Variants in SYT16 observed in about 807,000 individuals in gnomAD.
SYT16 encodes synaptotagmin-16.
Under a neutral mutation model 61.4 loss-of-function variants are expected in SYT16, and 42 were observed. The ratio of observed to expected loss-of-function variants is 0.68; its 90% confidence interval spans 0.53 to 0.89. The LOEUF (loss-of-function observed/expected upper bound fraction) is 0.89, where lower values mean the gene tolerates loss of function less well. Ranked by LOEUF, SYT16 falls within the 40% of genes least tolerant of loss-of-function variation. SYT16 has a pLI of 0.00. For synonymous variants in SYT16, 314 were observed against 302.3 expected (o/e 1.04, Z -0.40); for missense variants, 804 against 807.3 (o/e 1.00, Z 0.05).
chr14:62,072,898 TTTGG>T (rs1346112721), intron 4 of SYT16, among the ~76,000 whole-genome samples: 3 of 152,158 alleles, frequency 2.0e-5, no homozygotes, highest in Non-Finnish European at 4.4e-5. Context: ...TTAAAATAAA[TTTGG>T]TTGATGTGAC....
chr14:62,099,015 A>C (rs2057350416), intron 7 of SYT16, among the ~76,000 whole-genome samples: 1 of 152,110 alleles, frequency 6.6e-6, no homozygotes, highest in South Asian at 2.1e-4. Context: ...ATTGGGTTGG[A>C]GGAGGGGAGG....
At chr14:61,979,622 G>A (rs138589390) in intron 2 of SYT16, among the ~76,000 whole-genome samples, 350 of 152,314 alleles carry the variant, frequency 2.3e-3, no homozygotes, top group African/African-American at 7.1e-3. Flanking sequence ...GGTGGCTCAT[G>A]CCTGTAATCC....
At chr14:61,968,356 G>A (rs1008080702) in intron 1 of SYT16, among the ~76,000 whole-genome samples, 1 of 152,174 alleles carries the variant, frequency 6.6e-6, no homozygotes, top group African/African-American at 2.4e-5. Context: ...GCATGTGGTG[G>A]TGAGGAGGGA....
intron 5 of SYT16, among the ~76,000 whole-genome samples, 180 bp from the exon 6 acceptor site, chr14:62,080,654 G>A (rs773138161): frequency 9.9e-5 from 15 of 152,156 alleles, no homozygotes; most frequent in Non-Finnish European, 1.8e-4. Flanking sequence ...GCACTTTGCC[G>A]TCAAAGAATT....
chr14:62,040,726 T>A (rs2054694856), intron 3 of SYT16, among the ~76,000 whole-genome samples: 1 of 152,162 alleles, frequency 6.6e-6, no homozygotes, highest in African/African-American at 2.4e-5. Flanking sequence ...CCTCTACTTT[T>A]AAAAAATATA....
intron 1 of SYT16, among the ~76,000 whole-genome samples, chr14:61,863,061 T>C (rs1314560132): frequency 6.6e-6 from 1 of 152,252 alleles, no homozygotes; most frequent in Non-Finnish European, 1.5e-5. Context: ...TTGGCAATTA[T>C]GAGTAAAGCT....
At chr14:61,913,256 A>G (rs933846798) in intron 1 of SYT16, among the ~76,000 whole-genome samples, 1 of 152,186 alleles carries the variant, frequency 6.6e-6, no homozygotes, top group Non-Finnish European at 1.5e-5. Flanking sequence ...CCAGAGCTGT[A>G]GTGCCCAGAA....
chr14:61,873,922 A>G (rs372230275), intron 1 of SYT16, among the ~76,000 whole-genome samples: 1 of 152,204 alleles, frequency 6.6e-6, no homozygotes, highest in Non-Finnish European at 1.5e-5. Context: ...AATGTTGGAT[A>G]TGTTTAGTGA....
intron 7 of SYT16, among the ~76,000 whole-genome samples, chr14:62,098,502 C>T (rs574319385): frequency 7.9e-5 from 12 of 152,242 alleles, no homozygotes; most frequent in African/African-American, 2.6e-4. Context: ...GCTTTCTTTC[C>T]TTTCTATATT....
chr14:62,085,221 A>G (rs1257749034), intron 7 of SYT16, among the ~76,000 whole-genome samples: 1 of 152,192 alleles, frequency 6.6e-6, no homozygotes, highest in Non-Finnish European at 1.5e-5. Flanking sequence ...CCTTTTTATG[A>G]TCTTGTTTTG....
intron 1 of SYT16, among the ~76,000 whole-genome samples, chr14:61,888,266 C>T (rs773459193): frequency 2.6e-5 from 4 of 151,822 alleles, no homozygotes; most frequent in Non-Finnish European, 4.4e-5. Flanking sequence ...TACAGGTGCA[C>T]GCCACCATGC....
chr14:61,991,536 T>G (rs2052550392), intron 2 of SYT16, among the ~76,000 whole-genome samples: 1 of 152,218 alleles, frequency 6.6e-6, no homozygotes, highest in African/African-American at 2.4e-5. Context: ...GTGCTGGGCC[T>G]CTTTGGCTTT....
intron 1 of SYT16, among the ~76,000 whole-genome samples, chr14:61,813,687 G>A (rs1422690099): frequency 6.6e-6 from 1 of 152,040 alleles, no homozygotes; most frequent in East Asian, 1.9e-4. Flanking sequence ...GATCACTTGA[G>A]CCCAGGAGTG....
chr14:62,044,378 T>C (rs2054875383), intron 3 of SYT16, among the ~76,000 whole-genome samples: 2 of 152,108 alleles, frequency 1.3e-5, no homozygotes, highest in Admixed American at 1.3e-4. Flanking sequence ...TGGTTTGCTG[T>C]ACATATCAAC....
At chr14:62,050,842 C>G (rs951171661) in intron 3 of SYT16, among the ~76,000 whole-genome samples, 1 of 152,080 alleles carries the variant, frequency 6.6e-6, no homozygotes, top group Non-Finnish European at 1.5e-5. Context: ...AGTTTTGTCT[C>G]GGAGGAGTAC....
chr14:61,946,289 CAG>C (rs1254661966), intron 1 of SYT16, among the ~76,000 whole-genome samples: 1 of 152,080 alleles, frequency 6.6e-6, no homozygotes, highest in African/African-American at 2.4e-5. Context: ...AACACAGAAA[CAG>C]AAAGTCAAAT....
intron 1 of SYT16, among the ~76,000 whole-genome samples, chr14:61,883,536 C>T (rs2047778303): frequency 6.6e-6 from 1 of 152,218 alleles, no homozygotes; most frequent in Non-Finnish European, 1.5e-5. Flanking sequence ...GTCCATATCA[C>T]TATCAGCATT....
At chr14:62,034,128 A>T (rs1047196671) in intron 3 of SYT16, among the ~76,000 whole-genome samples, 1 of 152,210 alleles carries the variant, frequency 6.6e-6, no homozygotes, top group Non-Finnish European at 1.5e-5. Flanking sequence ...TATCAGAGCA[A>T]AGCAGATTGA....
intron 4 of SYT16, among the ~76,000 whole-genome samples, 179 bp downstream of exon 4, chr14:62,069,994 GGAGGTT>G (rs1228755115): frequency 2.6e-5 from 4 of 152,212 alleles, no homozygotes; most frequent in Non-Finnish European, 5.9e-5. Flanking sequence ...CTGCCATGCA[GGAGGTT>G]GAGAGAGGGA....
Sources: gnomAD v4.1 joint callset for allele counts (sites outside exome capture counted in the v4.1 genomes callset) on GRCh38, gnomAD v4.1.1 for gene constraint, MANE v1.5 for transcripts, NCBI Gene and HGNC (gene_info 2026-07-23, HGNC 2026-07-21) for gene names.